MYL5: variants seen among roughly 807,000 people sequenced by gnomAD.
The protein encoded by MYL5 is myosin regulatory light chain 5.
MYL5 carries 28 observed loss-of-function variants against 20.8 expected under a neutral mutation model. The ratio of observed to expected loss-of-function variants is 1.35; its 90% CI spans 1.00 to 1.84. The LOEUF (loss-of-function observed/expected upper bound fraction) is 1.84. Ranked by LOEUF, MYL5 falls within the 40% of genes most tolerant of loss-of-function variation. The pLI is 0.00. For synonymous variants in MYL5, 118 were observed against 87.4 expected (o/e 1.35, Z -1.95); for missense variants, 274 against 227.3 (o/e 1.21, Z -1.32).
At chr4:678,061 G>T in intron 1 of MYL5, 32 bp downstream of exon 3, 2 of 1,612,292 alleles carry the variant, frequency 1.2e-6, no homozygotes, top group Non-Finnish European at 1.7e-6. Context: ...CCTGGGGCAG[G>T]CGTGTGGGTG....
At chr4:677,919 T>C (rs1739007526), upstream of MYL5, 1 of 1,590,188 alleles carries the variant, frequency 6.3e-7, no homozygotes, top group Admixed American at 1.7e-5. Flanking sequence ...CCTGTCCTTG[T>C]AGGGAGTGGC....
upstream of MYL5, chr4:674,640 CG>C: frequency 3.6e-6 from 1 of 280,932 alleles, no homozygotes; most frequent in South Asian, 3.9e-5. Flanking sequence ...GACTGCGGGC[CG>C]GGGCGCACTC....
intron 2 of MYL5, 49 bp downstream of exon 4, chr4:678,814 C>G (rs563958858): frequency 1.9e-6 from 3 of 1,608,222 alleles, no homozygotes; most frequent in Admixed American, 3.4e-5. Context: ...GGAGCCTGTG[C>G]TGGGAAGACC....
chr4:680,406 T>G, intron 4 of MYL5, 103 bp from the exon 7 acceptor site: 1 of 1,193,528 alleles, frequency 8.4e-7, no homozygotes. Flanking sequence ...AGGCTTGGAG[T>G]CTCCCCCTGC....
chr4:680,646 T>G, intron 5 of MYL5, 59 bp downstream of exon 7: 1 of 1,563,978 alleles, frequency 6.4e-7, no homozygotes. Flanking sequence ...GATCTCATCC[T>G]GTCCCAAAAG....
At chr4:676,533 G>A (rs888129435), upstream of MYL5, 1 of 152,286 alleles carries the variant, frequency 6.6e-6, no homozygotes, top group African/African-American at 2.4e-5. Flanking sequence ...CAGGTCAGCT[G>A]TGGGTGCAGA....
At chr4:681,445 C>T (rs1739511382) in intron 6 of MYL5, among the ~76,000 whole-genome samples, 1 of 150,804 alleles carries the variant, frequency 6.6e-6, no homozygotes, top group South Asian at 2.1e-4. Flanking sequence ...CGCCCCCCAC[C>T]CCCGACGCGC....
chr4:681,802 C>A (rs1490826848), intron 6 of MYL5, 91 bp from the exon 9 acceptor site: 1 of 1,245,328 alleles, frequency 8.0e-7, no homozygotes, highest in Non-Finnish European at 1.0e-6. Context: ...CCCCCTCCCG[C>A]GGCGCAGAAA....
At chr4:680,911 C>G in intron 5 of MYL5, 181 bp from the exon 8 acceptor site, 1 of 720,696 alleles carries the variant, frequency 1.4e-6, no homozygotes, top group Non-Finnish European at 2.3e-6. Context: ...AGCGGCTCCC[C>G]CAGAAGTGAT....
chr4:677,456 C>A (rs866080533), upstream of MYL5, among the ~76,000 whole-genome samples: 6 of 152,338 alleles, frequency 3.9e-5, no homozygotes, highest in Middle Eastern at 0.014. Context: ...AATGTCATCA[C>A]CCATGGGCCA....
At chr4:679,161 C>T (rs1739173845) in intron 3 of MYL5, 128 bp downstream of exon 5, 2 of 916,896 alleles carry the variant, frequency 2.2e-6, no homozygotes, top group Non-Finnish European at 3.5e-6. Flanking sequence ...ACCAACGGCC[C>T]TGAAGCTGCA....
At chr4:679,802 G>A (rs190159068) in intron 3 of MYL5, 112 bp from the exon 6 acceptor site, 25 of 843,490 alleles carry the variant, frequency 3.0e-5, no homozygotes, top group African/African-American at 5.2e-5. Context: ...TCTCCTTCCC[G>A]CTCCCTCCCC....
intron 1 of MYL5, 159 bp downstream of exon 3, chr4:678,188 G>C: frequency 6.5e-7 from 1 of 1,529,932 alleles, no homozygotes; most frequent in Non-Finnish European, 8.8e-7. Flanking sequence ...ATGAGCGTGT[G>C]TATGTGCGTG....
upstream of MYL5, chr4:676,380 A>T (rs988374576): frequency 2.0e-5 from 3 of 152,336 alleles, no homozygotes; most frequent in African/African-American, 7.2e-5. Flanking sequence ...CAGAGAAAAC[A>T]TGCGGGCAAA....
At chr4:680,094 A>G in intron 4 of MYL5, 76 bp downstream of exon 6, 2 of 1,354,790 alleles carry the variant, frequency 1.5e-6, no homozygotes, top group Admixed American at 2.2e-5. Flanking sequence ...TCACGTAAAA[A>G]TCTCTCTTTT....
intron 3 of MYL5, chr4:679,245 G>A: frequency 2.9e-6 from 2 of 679,960 alleles, no homozygotes; most frequent in African/African-American, 1.8e-5. Flanking sequence ...AGGGTGGGTG[G>A]GACAGCCCAA....
chr4:679,157 G>A (rs979586871), intron 3 of MYL5, 124 bp downstream of exon 5: 17 of 670,520 alleles, frequency 2.5e-5, no homozygotes, highest in South Asian at 6.2e-5. Context: ...GCCCACCAAC[G>A]GCCCTGAAGC....
At chr4:677,885 C>A, upstream of MYL5, 1 of 1,431,730 alleles carries the variant, frequency 7.0e-7, no homozygotes, top group South Asian at 1.2e-5. Flanking sequence ...CTGCAGCTGT[C>A]CAGTCCCCTG....
chr4:678,849 G>A (rs1739128983), intron 2 of MYL5, 84 bp downstream of exon 4: 1 of 1,607,694 alleles, frequency 6.2e-7, no homozygotes, highest in Non-Finnish European at 8.5e-7. Flanking sequence ...TCCAGGGCCA[G>A]CAGGAGTGGA....
Sources: gnomAD v4.1 joint callset for allele counts (sites outside exome capture counted in the v4.1 genomes callset) on GRCh38, gnomAD v4.1.1 for gene constraint, MANE v1.5 for transcripts, NCBI Gene and HGNC (gene_info 2026-07-23, HGNC 2026-07-21) for gene names.